HELZ: variants seen among roughly 807,000 people sequenced by gnomAD.
HELZ encodes the protein ATP-dependent RNA helicase with zinc finger domain.
In HELZ, 23 loss-of-function variants were observed where a neutral mutation model predicts 218.2. The ratio of observed to expected loss-of-function variants is 0.11; its 90% CI spans 0.08 to 0.15. The LOEUF is 0.15. Among genes scored for constraint, HELZ ranks in the 10% least tolerant of loss-of-function variants. HELZ has a pLI of 1.00. For synonymous variants in HELZ, 814 were observed against 829.4 expected (o/e 0.98, Z 0.32); for missense variants, 1,813 against 2,353.7 (o/e 0.77, Z 4.75).
In HELZ at chr17:67,166,494, G is replaced by A. The variant is rs2144145178; in HGVS notation, c.1879C>T (p.Pro627Ser). ...TTTTTGTACCTGTTAGGACTCCATGGTATGGTGGGAGTCATACTGATGTCT... is the reference window on the plus strand; with the variant it reads ...TTTTTGTACCTGTTAGGACTCCATGATATGGTGGGAGTCATACTGATGTCT... Reference protein sequence around the residue: ...FPDISMTPTIPWSPNRQWDEQ... With the variant: ...FPDISMTPTISWSPNRQWDEQ... Residue 627 changes from proline (P) to serine (S), a missense_variant, in exon 15 of 33, where the codon CCA (proline) becomes TCA (serine). By Grantham distance (74) the Pro-to-Ser change is moderately conservative. Around this residue, in one of 4 missense-constraint regions of HELZ, gnomAD observed 714 missense variants for 1,029.2 expected, o/e 0.69. Transcript: ENST00000358691. 1 of 1,612,578 alleles carries A rather than the reference G, an allele frequency of 6.2e-7. No individual in the cohort carries two copies. The highest frequency in any genetic ancestry group is 1.7e-4 in the Middle Eastern group (1 of 6,052).
intron 32 of HELZ, among the ~76,000 whole-genome samples, 185 bp downstream of exon 32, chr17:67,086,644 A>ATATATG (rs1302201764): frequency 6.8e-5 from 9 of 132,488 alleles, no homozygotes; most frequent in African/African-American, 2.5e-4. Context: ...ATATATATAT[A>ATATATG]TATATATATA....
intron 15 of HELZ, among the ~76,000 whole-genome samples, chr17:67,164,719 T>C (rs751978580): frequency 2.6e-5 from 4 of 151,964 alleles, no homozygotes; most frequent in Non-Finnish European, 5.9e-5. Context: ...CATGAGAGTT[T>C]AGAGGGAGAA....
chr17:67,140,282 T>C (rs1189434665), intron 21 of HELZ, among the ~76,000 whole-genome samples: 1 of 152,162 alleles, frequency 6.6e-6, no homozygotes, highest in African/African-American at 2.4e-5. Context: ...GCAAGTTCCA[T>C]GTCCTCCCCC....
At position 67,178,817 on chromosome 17, in the gene HELZ, C is replaced by A. The variant is rs1212842876; in HGVS notation, c.1272G>T (p.Leu424Phe). 1 of 1,613,738 alleles carries A rather than the reference C, an allele frequency of 6.2e-7. No homozygotes were observed. Among genetic ancestry groups the A allele is most frequent in the South Asian group, 1.1e-5 (1 of 91,072 alleles). Residue 424 changes from leucine (L) to phenylalanine (F), a missense_variant, in exon 13 of 33, where the codon TTG (leucine) becomes TTT (phenylalanine). Physicochemically the swap from Leu to Phe is conservative, Grantham distance 22 (BLOSUM62 0). Around this residue, in one of 4 missense-constraint regions of HELZ, gnomAD observed 714 missense variants for 1,029.2 expected, o/e 0.69. Coordinates refer to ENST00000358691, the MANE Select transcript of HELZ (RefSeq NM_014877.4). ...IDFEPNETTD[L>F]EKSLLIRYQI... ...GGTATCTGATAAGAAGGCTCTTCTC[C>A]AAATCAGTAGTTTCATTAGGTTCAA...
chr17:67,108,376 C>G lies in HELZ; in HGVS notation c.4724+116G>C. 1 of 745,308 alleles carries G rather than the reference C, an allele frequency of 1.3e-6. No individual in the cohort carries two copies. The highest frequency in any genetic ancestry group is 2.1e-5 in the Admixed American group (1 of 47,386). 46.2% of individuals were successfully genotyped at this position (745,308 alleles called of 1,614,324 possible). A position where few individuals can be genotyped will look rare whatever the true frequency, so the allele number is the denominator to read the frequency against. On this transcript the variant is annotated intron_variant, in intron 30 of 32. Transcript: ENST00000358691. This position sits in a 1 kb window ranked among gnomAD's most constrained non-coding sequence, Gnocchi z 4.1. ...AACTGTGTAGCGTGTGCTTGGAAGG[C>G]CAGCATCCAATTTCTCTGAGGCAAT... is the stretch of plus-strand genomic sequence containing the variant.
At chr17:67,137,012 T>G (rs140114873) in intron 22 of HELZ, among the ~76,000 whole-genome samples, 1 of 152,114 alleles carries the variant, frequency 6.6e-6, no homozygotes, top group Non-Finnish European at 1.5e-5. Flanking sequence ...ACCTTAAAAT[T>G]ATCTAGTCCC....
chr17:67,220,251 G>T (rs988030876), intron 3 of HELZ, among the ~76,000 whole-genome samples: 1 of 152,150 alleles, frequency 6.6e-6, no homozygotes, highest in African/African-American at 2.4e-5. Context: ...AGTCATTGAT[G>T]GGCAGCTCAT....
At chr17:67,082,816 C>A (rs1368924313) in intron 32 of HELZ, among the ~76,000 whole-genome samples, 2 of 149,010 alleles carry the variant, frequency 1.3e-5, no homozygotes, top group Non-Finnish European at 3.0e-5. Context: ...ACCATGTTCT[C>A]AGTTTTATAG....
chr17:67,213,940 T>C (rs550564653), intron 5 of HELZ, among the ~76,000 whole-genome samples: 1 of 152,324 alleles, frequency 6.6e-6, no homozygotes, highest in South Asian at 2.1e-4. Flanking sequence ...TATGACTTTT[T>C]AATTTTTAAA....
intron 5 of HELZ, among the ~76,000 whole-genome samples, chr17:67,211,608 C>A (rs895852870): frequency 6.6e-6 from 1 of 152,104 alleles, no homozygotes; most frequent in African/African-American, 2.4e-5. Context: ...CGCCTATAAT[C>A]CCAGCACTTT....
At chr17:67,128,958 A>C in intron 23 of HELZ, 103 bp from the exon 24 acceptor site, 1 of 864,398 alleles carries the variant, frequency 1.2e-6, no homozygotes, top group Non-Finnish European at 1.9e-6. Context: ...CCCAACCTCA[A>C]ATCCTTAAAC....
chr17:67,110,297 G>GA lies in HELZ; in HGVS notation c.3919-612dup, dbSNP rs533736340. ...TGGCCAGGCCTGGTCTCAAACTCCTGACCTCAGGTGATCCGCCTGCCTCGG... is the reference window on the plus strand; with the variant it reads ...TGGCCAGGCCTGGTCTCAAACTCCTGAACCTCAGGTGATCCGCCTGCCTCGG... On this transcript the variant is annotated intron_variant, in intron 28 of 32. Coordinates refer to ENST00000358691, the MANE Select transcript of HELZ (RefSeq NM_014877.4). 2.6e-3 allele frequency among the ~76,000 whole-genome samples: 393 copies of GA among 152,254 alleles called. 6 individuals carry two copies. The highest frequency in any genetic ancestry group is 9.1e-3 in the African/African-American group (379 of 41,550).
intron 3 of HELZ, among the ~76,000 whole-genome samples, chr17:67,234,211 T>G (rs970559035): frequency 3.5e-5 from 5 of 142,682 alleles, no homozygotes; most frequent in Admixed American, 7.5e-5. Context: ...TAATCCCAGC[T>G]ACTAGGGAGG....
intron 20 of HELZ, among the ~76,000 whole-genome samples, chr17:67,146,900 G>A (rs2038514762): frequency 6.6e-6 from 1 of 152,194 alleles, no homozygotes; most frequent in Non-Finnish European, 1.5e-5. Flanking sequence ...CACTGGTCAT[G>A]TTCTGCTTCC....
chr17:67,183,840 G>A (rs1007588206), intron 12 of HELZ, among the ~76,000 whole-genome samples: 12 of 150,758 alleles, frequency 8.0e-5, no homozygotes, highest in East Asian at 7.8e-4. Context: ...TTCTGAACCC[G>A]AATCTCCCCA....
At chr17:67,195,326 T>C in intron 8 of HELZ, 93 bp downstream of exon 8, 1 of 757,446 alleles carries the variant, frequency 1.3e-6, no homozygotes, top group South Asian at 1.7e-5. Flanking sequence ...TCCACTTATA[T>C]GTACTGTAAC....
intron 15 of HELZ, among the ~76,000 whole-genome samples, chr17:67,163,572 TTTTG>T (rs1467105887): frequency 6.6e-6 from 1 of 151,966 alleles, no homozygotes; most frequent in African/African-American, 2.4e-5. Context: ...CTAATTTTTT[TTTTG>T]TATTTTTAGT....
chr17:67,196,231 C>T (rs181548178), intron 7 of HELZ, among the ~76,000 whole-genome samples: 256 of 152,270 alleles, frequency 1.7e-3, no homozygotes, highest in African/African-American at 5.8e-3. Flanking sequence ...ACCCCACTCA[C>T]TCTGAGATGA....
At chr17:67,094,449 G>C (rs1423342058) in intron 31 of HELZ, among the ~76,000 whole-genome samples, 1 of 151,938 alleles carries the variant, frequency 6.6e-6, no homozygotes, top group South Asian at 2.1e-4. Context: ...TGGTGAGAGA[G>C]ACAGAGAGAT....
Sources: allele counts gnomAD v4.1 joint callset (sites outside exome capture counted in the v4.1 genomes callset), GRCh38; gene constraint gnomAD v4.1.1; regional missense constraint gnomAD v4.1.1; non-coding constraint Gnocchi (gnomAD v3.1); transcripts MANE v1.5; gene names NCBI Gene and HGNC (gene_info 2026-07-23, HGNC 2026-07-21).